FILIP1L: variants seen among roughly 807,000 people sequenced by gnomAD.
The protein encoded by FILIP1L is filamin A interacting protein 1 like, also known as filamin A-interacting protein 1-like.
Under a neutral mutation model 96.6 loss-of-function variants are expected in FILIP1L, and 55 were observed. That is an observed-to-expected ratio of 0.57 (90% CI 0.46 to 0.71). The LOEUF (loss-of-function observed/expected upper bound fraction) is 0.71. FILIP1L is among the 30% of genes least tolerant of loss of function. FILIP1L has a pLI of 0.00. For missense variants in FILIP1L, 1,304 were observed against 1,321.2 expected (o/e 0.99, Z 0.20); for synonymous variants, 467 against 473.9 (o/e 0.99, Z 0.19).
At position 99,850,442 on chromosome 3, in the gene FILIP1L, CTT is replaced by C. The variant is rs757426039; in HGVS notation, c.1232_1233del (p.Lys411ArgfsTer3). On this transcript the variant is annotated frameshift_variant, in exon 5 of 6. Coordinates refer to ENST00000477258, the MANE Select transcript of FILIP1L (RefSeq NM_001387850.1). LOFTEE classifies it high-confidence loss of function. ...AGTTTTTCAACCTCTAGTTTAAAGT[CTT>C]TACTCTGTAACGTCTCCCTTTCAAG... ...KRLERETLQS[K>X]DFKLEVEKLS... is the part of the protein sequence containing the mutation. The C allele has an allele frequency of 6.2e-7, 1 of 1,614,042 alleles. No individual in the cohort carries two copies. The highest frequency in any genetic ancestry group is 8.5e-7 in the Non-Finnish European group (1 of 1,180,002).
At chr3:100,087,048 G>T (rs753909725) in intron 1 of FILIP1L, among the ~76,000 whole-genome samples, 1 of 152,186 alleles carries the variant, frequency 6.6e-6, no homozygotes, top group Non-Finnish European at 1.5e-5. Flanking sequence ...CCTTTTTGCT[G>T]CTGTTTAATG....
intron 1 of FILIP1L, among the ~76,000 whole-genome samples, chr3:99,962,560 T>G (rs1294352040): frequency 6.6e-6 from 1 of 152,206 alleles, no homozygotes. Context: ...GAGATAATAT[T>G]GTTTTAACAT....
At chr3:100,101,062 CT>C (rs796894438) in intron 1 of FILIP1L, among the ~76,000 whole-genome samples, 34 of 152,230 alleles carry the variant, frequency 2.2e-4, no homozygotes, top group African/African-American at 8.2e-4. Context: ...ACCTTGACCA[CT>C]TTTGTACCTG....
intron 1 of FILIP1L, among the ~76,000 whole-genome samples, chr3:99,989,827 TACTC>T (rs1050450476): frequency 5.3e-5 from 8 of 152,144 alleles, no homozygotes; most frequent in African/African-American, 1.4e-4. Context: ...AATTTTTACT[TACTC>T]AGATCAGTTT....
chr3:99,843,688 G>T (rs1943233749), intron 5 of FILIP1L, among the ~76,000 whole-genome samples: 1 of 152,070 alleles, frequency 6.6e-6, no homozygotes, highest in South Asian at 2.1e-4. Context: ...ATCTACAATT[G>T]GGCAAAATTG....
chr3:100,030,774 C>T (rs1415058514), intron 1 of FILIP1L, among the ~76,000 whole-genome samples: 1 of 152,068 alleles, frequency 6.6e-6, no homozygotes, highest in Non-Finnish European at 1.5e-5. Flanking sequence ...GAAATCAATC[C>T]GTTTTCCCTC....
chr3:99,986,698 A>C (rs1340327520), intron 1 of FILIP1L, among the ~76,000 whole-genome samples: 2 of 152,184 alleles, frequency 1.3e-5, no homozygotes, highest in East Asian at 3.9e-4. Flanking sequence ...AAGGAGGAGA[A>C]TGGTTCTTCC....
chr3:99,890,873 T>C (rs1336235235), intron 4 of FILIP1L, among the ~76,000 whole-genome samples: 2 of 152,138 alleles, frequency 1.3e-5, no homozygotes, highest in Non-Finnish European at 2.9e-5. Context: ...TCAGATTTTT[T>C]TATATGAAGT....
intron 1 of FILIP1L, among the ~76,000 whole-genome samples, chr3:100,113,649 G>T (rs977713923): frequency 5.9e-5 from 9 of 152,250 alleles, no homozygotes; most frequent in African/African-American, 2.2e-4. Context: ...TCAACACATT[G>T]TGATGATTTT....
intron 1 of FILIP1L, among the ~76,000 whole-genome samples, chr3:100,049,277 T>C (rs1232101656): frequency 1.3e-5 from 2 of 152,214 alleles, no homozygotes; most frequent in African/African-American, 4.8e-5. Context: ...TTTTTGAGGT[T>C]TGAGCATACT....
At chr3:100,064,654 A>T (rs925380879) in intron 1 of FILIP1L, among the ~76,000 whole-genome samples, 2 of 152,120 alleles carry the variant, frequency 1.3e-5, no homozygotes, top group African/African-American at 4.8e-5. Context: ...ATGCTTACAG[A>T]CCTAATGGAA....
At chr3:100,067,776 C>G (rs1260316490) in intron 1 of FILIP1L, among the ~76,000 whole-genome samples, 1 of 152,078 alleles carries the variant, frequency 6.6e-6, no homozygotes, top group Non-Finnish European at 1.5e-5. Context: ...TCTCTGTGGT[C>G]TCTATCCAAG....
At chr3:100,017,199 A>G (rs1026154524) in intron 1 of FILIP1L, among the ~76,000 whole-genome samples, 3 of 152,226 alleles carry the variant, frequency 2.0e-5, no homozygotes, top group Non-Finnish European at 4.4e-5. Context: ...CTGATTATCA[A>G]TTAAGCTGAA....
chr3:100,043,821 AATCT>A lies in FILIP1L; in HGVS notation c.-11+70228_-11+70231del, dbSNP rs769936002. ...ATTTTATTGTGACAAGAACATTAAA[AATCT>A]ATCCTTTTAGCAATTTTGAAATATG... On this transcript the variant is annotated intron_variant, in intron 1 of 5. Coordinates refer to ENST00000477258, the MANE Select transcript of FILIP1L (RefSeq NM_001387850.1). Among the ~76,000 whole-genome samples the A allele has an allele frequency of 3.3e-5, 5 of 152,348 alleles. No homozygotes were observed. In the South Asian group the frequency reaches 1.0e-3, roughly 32 times the overall value.
intron 1 of FILIP1L, among the ~76,000 whole-genome samples, chr3:100,006,984 G>A (rs1359317468): frequency 6.6e-6 from 1 of 152,150 alleles, no homozygotes; most frequent in Non-Finnish European, 1.5e-5. Flanking sequence ...TCCAAAACTT[G>A]AGCATATTCA....
intron 1 of FILIP1L, among the ~76,000 whole-genome samples, chr3:99,948,627 A>AAGG (rs1310436327): frequency 6.9e-6 from 1 of 144,080 alleles, no homozygotes; most frequent in Non-Finnish European, 1.5e-5. Flanking sequence ...GAGAGAGAGG[A>AAGG]AGGAGGAGGA....
chr3:99,950,875 AAGAG>A (rs1346176576), intron 1 of FILIP1L, among the ~76,000 whole-genome samples: 1 of 152,160 alleles, frequency 6.6e-6, no homozygotes, highest in African/African-American at 2.4e-5. Flanking sequence ...GAGAGAAAGA[AAGAG>A]AGAAAAACTG....
intron 1 of FILIP1L, chr3:100,110,121 A>G (rs1319676038): frequency 6.6e-6 from 1 of 152,086 alleles, no homozygotes; most frequent in Non-Finnish European, 1.5e-5. Context: ...TTGGAAGGAA[A>G]TGCAATAATA....
intron 1 of FILIP1L, among the ~76,000 whole-genome samples, chr3:100,042,534 A>T (rs2107294971): frequency 6.6e-6 from 1 of 152,312 alleles, no homozygotes; most frequent in South Asian, 2.1e-4. Context: ...TTTTATTACC[A>T]AGTGTATTTT....
Sources: allele counts gnomAD v4.1 joint callset (sites outside exome capture counted in the v4.1 genomes callset), GRCh38; gene constraint gnomAD v4.1.1; transcripts MANE v1.5; gene names NCBI Gene and HGNC (gene_info 2026-07-23, HGNC 2026-07-21).